The following TAS2R1 variants were observed in gnomAD, a reference collection of about 807,000 sequenced individuals.
TAS2R1 encodes the protein taste 2 receptor member 1, also known as taste receptor type 2 member 1.
For missense variants in TAS2R1, 370 were observed against 353.4 expected (o/e 1.05, Z -0.38); for synonymous variants, 141 against 134.2 (o/e 1.05, Z -0.35).
the TAS2R1 span, among the ~76,000 whole-genome samples, chr5:9,739,389 C>A: frequency 2.0e-5 from 3 of 152,182 alleles, no homozygotes; most frequent in African/African-American, 7.2e-5. Context: ...CCCCTGGAGG[C>A]ACTATGTGTT....
At chr5:9,773,556 T>A in the TAS2R1 span, among the ~76,000 whole-genome samples, 1 of 152,224 alleles carries the variant, frequency 6.6e-6, no homozygotes, top group South Asian at 2.1e-4. Flanking sequence ...ATTAACATCC[T>A]TTTCTTTCAG....
the TAS2R1 span, among the ~76,000 whole-genome samples, chr5:9,780,302 C>G: frequency 6.6e-6 from 1 of 152,192 alleles, no homozygotes; most frequent in Non-Finnish European, 1.5e-5. Flanking sequence ...ACTCATTTTC[C>G]TCATGTTCCA....
chr5:9,705,910 C>A (rs1741599536), intron 1 of TAS2R1, among the ~76,000 whole-genome samples: 1 of 152,078 alleles, frequency 6.6e-6, no homozygotes, highest in Non-Finnish European at 1.5e-5. Context: ...GTTCAGAGAC[C>A]AGCAGGTCAC....
chr5:9,825,590 A>G, the TAS2R1 span, among the ~76,000 whole-genome samples: 4 of 152,248 alleles, frequency 2.6e-5, no homozygotes, highest in African/African-American at 9.6e-5. Context: ...ACCCTAAAAA[A>G]CAGCTCCTCC....
the TAS2R1 span, among the ~76,000 whole-genome samples, chr5:9,766,768 T>C: frequency 2.0e-5 from 3 of 152,198 alleles, no homozygotes; most frequent in Non-Finnish European, 4.4e-5. Context: ...TGACTCAGAC[T>C]AATGGCCAGC....
At chr5:9,696,668 A>G (rs1741361862) in intron 1 of TAS2R1, among the ~76,000 whole-genome samples, 1 of 152,234 alleles carries the variant, frequency 6.6e-6, no homozygotes, top group Non-Finnish European at 1.5e-5. Context: ...TCATGCTTTA[A>G]ATGCTTTCAT....
At chr5:9,639,678 A>C (rs1322477039) in intron 2 of TAS2R1, among the ~76,000 whole-genome samples, 3 of 152,208 alleles carry the variant, frequency 2.0e-5, no homozygotes, top group Non-Finnish European at 2.9e-5. Context: ...AATCTTCTGA[A>C]TTGCTGCAGC....
chr5:9,813,147 G>A, the TAS2R1 span, among the ~76,000 whole-genome samples: 1 of 152,086 alleles, frequency 6.6e-6, no homozygotes, highest in Non-Finnish European at 1.5e-5. Flanking sequence ...GGGGAAATTG[G>A]ACACAGAGAT....
chr5:9,633,103 G>A (rs1015942679), upstream of TAS2R1, among the ~76,000 whole-genome samples: 3 of 151,430 alleles, frequency 2.0e-5, no homozygotes, highest in Non-Finnish European at 4.4e-5. Flanking sequence ...GTATTGGCGG[G>A]CATGAAAACA....
chr5:9,819,701 A>C, the TAS2R1 span, among the ~76,000 whole-genome samples: 8 of 152,326 alleles, frequency 5.3e-5, no homozygotes, highest in East Asian at 1.5e-3. Flanking sequence ...CATGAGGTGC[A>C]TTAAAGCAGA....
At chr5:9,891,049 C>G in the TAS2R1 span, among the ~76,000 whole-genome samples, 11 of 152,190 alleles carry the variant, frequency 7.2e-5, no homozygotes, top group Non-Finnish European at 1.5e-4. Context: ...AACCTAATAA[C>G]ATGAAGTCAT....
chr5:9,631,819 C>T (rs1367066398), upstream of TAS2R1, among the ~76,000 whole-genome samples: 1 of 152,156 alleles, frequency 6.6e-6, no homozygotes, highest in Non-Finnish European at 1.5e-5. Context: ...TGGCTCTTCT[C>T]TGAATAGGAC....
intron 1 of TAS2R1, among the ~76,000 whole-genome samples, chr5:9,687,537 G>A (rs1223367868): frequency 6.6e-6 from 1 of 151,902 alleles, no homozygotes; most frequent in African/African-American, 2.4e-5. Flanking sequence ...CCAAATTGTA[G>A]GATAAAGTTG....
At chr5:9,733,479 A>G in the TAS2R1 span, among the ~76,000 whole-genome samples, 2,617 of 152,362 alleles carry the variant, frequency 0.017, 63 homozygotes, top group African/African-American at 0.058. Flanking sequence ...TCAAAGTCAA[A>G]ATGGTTAATG....
chr5:9,857,079 C>T, the TAS2R1 span, among the ~76,000 whole-genome samples: 7 of 151,918 alleles, frequency 4.6e-5, no homozygotes, highest in African/African-American at 1.7e-4. Flanking sequence ...TATATTAATA[C>T]AGAATAAAGT....
the TAS2R1 span, among the ~76,000 whole-genome samples, chr5:9,832,370 A>T: frequency 6.6e-6 from 1 of 152,222 alleles, no homozygotes; most frequent in Non-Finnish European, 1.5e-5. Context: ...ATGATCTCAG[A>T]CTCATGGCTG....
the TAS2R1 span, among the ~76,000 whole-genome samples, chr5:9,895,521 G>A: frequency 6.6e-6 from 1 of 152,228 alleles, no homozygotes; most frequent in African/African-American, 2.4e-5. Flanking sequence ...CAAAAAGCCT[G>A]CAGAGGCGAG....
At chr5:9,745,076 G>A in the TAS2R1 span, among the ~76,000 whole-genome samples, 2 of 152,156 alleles carry the variant, frequency 1.3e-5, no homozygotes, top group Non-Finnish European at 2.9e-5. Flanking sequence ...GAATGAATTG[G>A]TGGAAAAAGG....
At chr5:9,852,861 A>G in the TAS2R1 span, among the ~76,000 whole-genome samples, 1 of 151,890 alleles carries the variant, frequency 6.6e-6, no homozygotes, top group South Asian at 2.1e-4. Flanking sequence ...AAATATATAT[A>G]TATATGTCTC....
Sources: gnomAD v4.1 joint callset for allele counts (sites outside exome capture counted in the v4.1 genomes callset) on GRCh38, gnomAD v4.1.1 for gene constraint, MANE v1.5 for transcripts, NCBI Gene and HGNC (gene_info 2026-07-23, HGNC 2026-07-21) for gene names.